PACSIN2: variants seen among roughly 807,000 people sequenced by gnomAD.
PACSIN2 encodes protein kinase C and casein kinase substrate in neurons 2.
PACSIN2 carries 25 observed loss-of-function variants against 63.8 expected under a neutral mutation model. The observed-to-expected ratio is 0.39, with a 90% CI of 0.29 to 0.55. The LOEUF is 0.55. Among genes scored for constraint, PACSIN2 ranks in the 20% least tolerant of loss-of-function variants. PACSIN2 has a pLI of 0.62. For synonymous variants in PACSIN2, 255 were observed against 256.2 expected, an observed-to-expected ratio of 1.00 and a Z score of 0.05; for missense variants, 518 against 646.9, an observed-to-expected ratio of 0.80 and a Z score of 2.16.
chr22:42,979,694 A>T (rs5759069), intron 1 of PACSIN2, among the ~76,000 whole-genome samples: 86,158 of 151,462 alleles, frequency 0.57, 24,868 homozygotes, highest in East Asian at 0.77. Flanking sequence ...CTCTGTCTTA[A>T]GGCACCTGCC....
chr22:42,876,321 G>A lies in PACSIN2; in HGVS notation c.1164C>T (p.Tyr388=), dbSNP rs200536202. The A allele has an allele frequency of 2.2e-4, 349 of 1,613,730 alleles. No individual in the cohort carries two copies. The highest frequency in any genetic ancestry group is 2.8e-4 in the Non-Finnish European group (328 of 1,179,744). Residue 388 remains tyrosine, a synonymous_variant, in exon 10 of 11, where the codon TAC becomes TAT. Transcript: ENST00000263246. ...DDTKAKNVSS[Y]EKTQSYPTDW... ...CGGTGGGATAGCTCTGGGTCTTCTC[G>A]TAGCTGCTCACACTGCAAGAAAGGG...
chr22:43,012,716 G>A (rs1469786410), intron 1 of PACSIN2, among the ~76,000 whole-genome samples: 1 of 151,948 alleles, frequency 6.6e-6, no homozygotes, highest in East Asian at 1.9e-4. Context: ...GCAACGGCCG[G>A]ATCTTGGCTC....
intron 1 of PACSIN2, among the ~76,000 whole-genome samples, chr22:42,944,037 G>A (rs559359198): frequency 1.3e-5 from 2 of 152,202 alleles, no homozygotes; most frequent in Non-Finnish European, 1.5e-5. Context: ...TGCTCACTAA[G>A]TTCTACCTGC....
At chr22:42,963,986 A>G (rs1920933403) in intron 1 of PACSIN2, among the ~76,000 whole-genome samples, 1 of 152,192 alleles carries the variant, frequency 6.6e-6, no homozygotes, top group African/African-American at 2.4e-5. Flanking sequence ...TATTTAGTAT[A>G]TTCACAGGTG....
intron 1 of PACSIN2, among the ~76,000 whole-genome samples, chr22:42,984,973 T>G (rs1922503421): frequency 6.6e-6 from 1 of 152,098 alleles, no homozygotes; most frequent in Admixed American, 6.5e-5. Context: ...GTGGATTTGC[T>G]TGTTCTGTTT....
chr22:43,008,194 T>G (rs1211221398), intron 1 of PACSIN2, among the ~76,000 whole-genome samples: 2 of 152,184 alleles, frequency 1.3e-5, no homozygotes, highest in Non-Finnish European at 2.9e-5. Context: ...ACATCTTTAT[T>G]ATGATTATTT....
chr22:43,007,029 G>A (rs1924137181), intron 1 of PACSIN2, among the ~76,000 whole-genome samples: 1 of 152,034 alleles, frequency 6.6e-6, no homozygotes, highest in Non-Finnish European at 1.5e-5. Context: ...TGAGTCACCT[G>A]AATCACCCCT....
In PACSIN2 at chr22:42,964,297, A is replaced by T. The variant is rs12628973; in HGVS notation, c.-78+50724T>A. 0.041 allele frequency among the ~76,000 whole-genome samples: 6,248 copies of T among 152,190 alleles called. 687 individuals are homozygous for T. The East Asian group carries it at 0.46, about 11-fold the overall frequency. On this transcript the variant is annotated intron_variant, in intron 1 of 10. Transcript: ENST00000263246. ...GCTGGGCATGGTGGCACATGCCTGT[A>T]ATCTCAGCTACTCGAGAGGCTGAGG... is the stretch of plus-strand genomic sequence containing the variant.
chr22:42,899,032 A>T (rs967734840), intron 2 of PACSIN2, among the ~76,000 whole-genome samples: 1 of 152,154 alleles, frequency 6.6e-6, no homozygotes, highest in African/African-American at 2.4e-5. Context: ...AGGACGCTGG[A>T]GAAGGTCTGC....
At chr22:42,909,617 G>A (rs1931316960) in intron 2 of PACSIN2, 2 of 470,444 alleles carry the variant, frequency 4.3e-6, no homozygotes, top group Non-Finnish European at 8.8e-6. Context: ...GCCCGCCTGA[G>A]CATTTTCAGG....
At chr22:42,995,421 A>C (rs960079814) in intron 1 of PACSIN2, among the ~76,000 whole-genome samples, 5 of 152,166 alleles carry the variant, frequency 3.3e-5, no homozygotes, top group Non-Finnish European at 5.9e-5. Context: ...CAGGATGACA[A>C]ATGTTGTTTC....
At chr22:43,007,022 G>A (rs996553294) in intron 1 of PACSIN2, among the ~76,000 whole-genome samples, 1 of 152,148 alleles carries the variant, frequency 6.6e-6, no homozygotes, top group Non-Finnish European at 1.5e-5. Flanking sequence ...GTGAAATTGA[G>A]TCACCTGAAT....
At chr22:42,931,648 A>G (rs1435650192) in intron 1 of PACSIN2, among the ~76,000 whole-genome samples, 2 of 152,238 alleles carry the variant, frequency 1.3e-5, no homozygotes, top group African/African-American at 2.4e-5. Flanking sequence ...CATGTGGTTT[A>G]AACTTGATGA....
Position 42,921,834 on chromosome 22 carries a change from G to C in PACSIN2, c.-77-9677C>G, listed in dbSNP as rs187557012. ...GCTCACTGCAACCTCCGTCTCCCGGGTTCAGGCGATTCTCCTGCCTCAGCC... is the reference window on the plus strand; with the variant it reads ...GCTCACTGCAACCTCCGTCTCCCGGCTTCAGGCGATTCTCCTGCCTCAGCC... On this transcript the variant is annotated intron_variant, in intron 1 of 10. Coordinates refer to ENST00000263246, the MANE Select transcript of PACSIN2 (RefSeq NM_001184970.3). Among the ~76,000 whole-genome samples the C allele has an allele frequency of 5.2e-3, 793 of 152,072 alleles. 4 individuals are homozygous for C. The highest frequency in any genetic ancestry group is 0.018 in the African/African-American group (756 of 41,480).
intron 1 of PACSIN2, among the ~76,000 whole-genome samples, chr22:42,923,731 C>T (rs56152149): frequency 6.6e-6 from 1 of 152,132 alleles, no homozygotes; most frequent in African/African-American, 2.4e-5. Context: ...CCGGCCTCAA[C>T]TATTTCCTCT....
chr22:42,969,504 T>C (rs1921081413), intron 1 of PACSIN2, among the ~76,000 whole-genome samples: 2 of 152,208 alleles, frequency 1.3e-5, no homozygotes, highest in African/African-American at 4.8e-5. Flanking sequence ...ACCAAATACA[T>C]TTAAGATGAG....
intron 1 of PACSIN2, among the ~76,000 whole-genome samples, chr22:42,975,958 C>T (rs1168317433): frequency 1.3e-5 from 2 of 152,144 alleles, no homozygotes; most frequent in African/African-American, 2.4e-5. Context: ...AGGCCAAAAG[C>T]GGGCCAATGC....
intron 1 of PACSIN2, among the ~76,000 whole-genome samples, chr22:42,925,702 A>G (rs944955041): frequency 1.3e-5 from 2 of 152,242 alleles, no homozygotes; most frequent in Admixed American, 6.5e-5. Flanking sequence ...TGAAGGTGCT[A>G]TAACTCTAAT....
chr22:42,922,596 C>A (rs1932266800), intron 1 of PACSIN2, among the ~76,000 whole-genome samples: 1 of 152,252 alleles, frequency 6.6e-6, no homozygotes, highest in Non-Finnish European at 1.5e-5. Context: ...ACAGGCTGAC[C>A]TGCAGCTCGT....
Sources: gnomAD v4.1 joint callset for allele counts (sites outside exome capture counted in the v4.1 genomes callset) on GRCh38, gnomAD v4.1.1 for gene constraint, MANE v1.5 for transcripts, NCBI Gene and HGNC (gene_info 2026-07-23, HGNC 2026-07-21) for gene names.